The following LRRIQ1 variants were observed in gnomAD, a reference collection of about 807,000 sequenced individuals.
LRRIQ1 encodes the protein leucine-rich repeat- and IQ domain-containing protein 1.
In LRRIQ1, 210 loss-of-function variants were observed where a neutral mutation model predicts 211.9. The ratio of observed to expected loss-of-function variants is 0.99; its 90% CI spans 0.89 to 1.11. LRRIQ1 has a LOEUF of 1.11. Among genes scored for constraint, LRRIQ1 ranks in the 50% most tolerant of loss-of-function variants. The pLI, the probability that LRRIQ1 is intolerant of heterozygous loss-of-function variation, is 0.00. For missense variants in LRRIQ1, 2,136 were observed against 1,939.5 expected (o/e 1.10, Z -1.90); for synonymous variants, 699 against 650.1 (o/e 1.08, Z -1.14).
intron 19 of LRRIQ1, among the ~76,000 whole-genome samples, chr12:85,139,628 A>G (rs1889377365): frequency 6.6e-6 from 1 of 151,414 alleles, no homozygotes; most frequent in African/African-American, 2.4e-5. Context: ...AAAGTCTCCA[A>G]ATTACACTGC....
In LRRIQ1 at chr12:85,153,084, G is replaced by T; in HGVS notation, c.4480G>T (p.Ala1494Ser). The change falls in exon 21 of 27, where the codon GCA becomes TCA. Residue 1494 changes from alanine to serine, a missense_variant. Physicochemically the swap from Ala to Ser is moderately conservative, Grantham distance 99. Coordinates refer to ENST00000393217, the MANE Select transcript of LRRIQ1 (RefSeq NM_001079910.2). ...TAATTTACCAAGTAATCCAGCTCAA[G>T]CATGGTTATGTAATGACAAAGAAAA... ...SFNLPSNPAQ[A>S]WLCNDKENLS... 1 of 1,586,902 alleles carries T rather than the reference G, an allele frequency of 6.3e-7. No homozygotes were observed. Among genetic ancestry groups the T allele is most frequent in the Non-Finnish European group, 8.6e-7 (1 of 1,162,606 alleles).
intron 7 of LRRIQ1, among the ~76,000 whole-genome samples, chr12:85,054,346 A>G (rs927113652): frequency 2.0e-4 from 31 of 152,176 alleles, no homozygotes; most frequent in South Asian, 8.3e-4. Flanking sequence ...AAGACACACC[A>G]CCTAAAAAGG....
At chr12:85,177,004 T>C (rs951719677) in intron 24 of LRRIQ1, among the ~76,000 whole-genome samples, 1 of 152,126 alleles carries the variant, frequency 6.6e-6, no homozygotes, top group African/African-American at 2.4e-5. Flanking sequence ...GTTTTGACTC[T>C]AGTCCAAACC....
At chr12:85,068,464 A>G in intron 10 of LRRIQ1, among the ~76,000 whole-genome samples, 1 of 151,918 alleles carries the variant, frequency 6.6e-6, no homozygotes, top group African/African-American at 2.4e-5. Context: ...CATTAGTTAT[A>G]TTAAACATTT....
intron 11 of LRRIQ1, among the ~76,000 whole-genome samples, chr12:85,075,885 A>C (rs536768239): frequency 2.6e-5 from 4 of 152,104 alleles, no homozygotes; most frequent in Non-Finnish European, 5.9e-5. Context: ...ACCCCACCAG[A>C]TAAGAAAACT....
chr12:85,208,386 A>T (rs1473365825), intron 24 of LRRIQ1, among the ~76,000 whole-genome samples: 5 of 152,128 alleles, frequency 3.3e-5, no homozygotes, highest in African/African-American at 4.8e-5. Flanking sequence ...GTTTAAATTC[A>T]CACTTCTAGA....
At chr12:85,121,572 A>G (rs1006217454) in intron 15 of LRRIQ1, 125 bp from the exon 16 acceptor site, 3 of 651,410 alleles carry the variant, frequency 4.6e-6, no homozygotes, top group Non-Finnish European at 6.6e-6. Context: ...CATTTTCCCT[A>G]CAGTCACATT....
intron 24 of LRRIQ1, among the ~76,000 whole-genome samples, chr12:85,212,311 C>A (rs2137074634): frequency 6.6e-6 from 1 of 151,194 alleles, no homozygotes; most frequent in African/African-American, 2.4e-5. Flanking sequence ...AAAAACACCA[C>A]AAGAAAAGAA....
intron 11 of LRRIQ1, among the ~76,000 whole-genome samples, chr12:85,089,102 T>A (rs1885119895): frequency 6.6e-6 from 1 of 152,220 alleles, no homozygotes; most frequent in South Asian, 2.1e-4. Flanking sequence ...CTTATTATTT[T>A]GAGATACGTC....
At chr12:85,069,870 T>G (rs1882886990) in intron 10 of LRRIQ1, among the ~76,000 whole-genome samples, 5 of 152,058 alleles carry the variant, frequency 3.3e-5, no homozygotes, top group African/African-American at 7.2e-5. Flanking sequence ...TTGCAAACAT[T>G]TTCTCCCATT....
At chr12:85,057,407 T>A (rs900196674) in intron 8 of LRRIQ1, among the ~76,000 whole-genome samples, 5 of 152,054 alleles carry the variant, frequency 3.3e-5, no homozygotes, top group African/African-American at 1.2e-4. Context: ...TGATTTATAT[T>A]TTTTAATATC....
intron 15 of LRRIQ1, among the ~76,000 whole-genome samples, chr12:85,116,495 C>T (rs1887591310): frequency 1.3e-5 from 2 of 151,782 alleles, no homozygotes; most frequent in South Asian, 2.1e-4. Flanking sequence ...AAAAATAAAG[C>T]TTACCCCAAC....
At chr12:85,053,909 G>A (rs1880648034) in intron 7 of LRRIQ1, among the ~76,000 whole-genome samples, 2 of 152,210 alleles carry the variant, frequency 1.3e-5, no homozygotes, top group South Asian at 4.1e-4. Flanking sequence ...AGGTTTCACC[G>A]TGTTACCCAG....
At chr12:85,231,550 C>T (rs1313299703) in intron 25 of LRRIQ1, among the ~76,000 whole-genome samples, 2 of 152,130 alleles carry the variant, frequency 1.3e-5, no homozygotes, top group East Asian at 3.9e-4. Context: ...TTAGTTAGCT[C>T]ATGGTTCTGC....
chr12:85,263,119 T>A, exon 2 of LRRIQ1: 1 of 945,998 alleles, frequency 1.1e-6, no homozygotes, highest in Non-Finnish European at 1.3e-6. Flanking sequence ...TCTGGATATC[T>A]AGTCATGTTA....
intron 24 of LRRIQ1, among the ~76,000 whole-genome samples, chr12:85,213,843 C>G (rs78605983): frequency 0.021 from 3,263 of 151,874 alleles, 117 homozygotes; most frequent in African/African-American, 0.075. Flanking sequence ...ATCAATAAGA[C>G]CAAAATTGTT....
intron 11 of LRRIQ1, among the ~76,000 whole-genome samples, chr12:85,074,989 G>T (rs114704593): frequency 2.2e-3 from 335 of 151,866 alleles, no homozygotes; most frequent in African/African-American, 7.8e-3. Context: ...AATTAATTTT[G>T]AATAAATCCA....
intron 17 of LRRIQ1, among the ~76,000 whole-genome samples, chr12:85,126,026 A>G (rs374584291): frequency 6.6e-6 from 1 of 152,202 alleles, no homozygotes; most frequent in South Asian, 2.1e-4. Flanking sequence ...CTCTTATTCT[A>G]AAGACACTTT....
chr12:85,137,953 AT>A lies in LRRIQ1; in HGVS notation c.4317del (p.Phe1439LeufsTer8). ...GAATACAGAGAAATAGATTTAGAGG[AT>A]TTTATATTTGATGAAGTAAGTACGA... is the stretch of plus-strand genomic sequence containing the variant. The part of the protein sequence containing the change: ...DEEYREIDLE[D>X]FIFDEAALEE... On this transcript the variant is annotated frameshift_variant, in exon 19 of 27. Coordinates refer to ENST00000393217, the MANE Select transcript of LRRIQ1 (RefSeq NM_001079910.2). LOFTEE classifies it high-confidence loss of function. 1 of 1,453,702 alleles carries A rather than the reference AT, an allele frequency of 6.9e-7. No homozygotes were observed. Among genetic ancestry groups the A allele is most frequent in the Non-Finnish European group, 9.6e-7 (1 of 1,046,584 alleles). 90.1% of individuals were successfully genotyped at this position (1,453,702 alleles called of 1,614,324 possible). A position where few individuals can be genotyped will look rare whatever the true frequency, so the allele number is the denominator to read the frequency against.
Sources: allele counts gnomAD v4.1 joint callset (sites outside exome capture counted in the v4.1 genomes callset), GRCh38; gene constraint gnomAD v4.1.1; transcripts MANE v1.5; gene names NCBI Gene and HGNC (gene_info 2026-07-23, HGNC 2026-07-21).